TGFB2: variants seen among roughly 807,000 people sequenced by gnomAD.
TGFB2 encodes transforming growth factor beta 2.
In TGFB2, 13 loss-of-function variants were observed where a neutral mutation model predicts 42.7. The ratio of observed to expected loss-of-function variants is 0.30; its 90% CI spans 0.20 to 0.48. The LOEUF (loss-of-function observed/expected upper bound fraction) is 0.48, where lower values mean the gene tolerates loss of function less well. TGFB2 is among the 20% of genes least tolerant of loss of function. TGFB2 has a pLI of 0.99. For synonymous variants in TGFB2, 193 were observed against 193.6 expected (o/e 1.00, Z 0.03); for missense variants, 390 against 517.5 (o/e 0.75, Z 2.39).
chr1:218,347,377 C>T (rs527921573), intron 1 of TGFB2, among the ~76,000 whole-genome samples: 28 of 152,308 alleles, frequency 1.8e-4, no homozygotes, highest in African/African-American at 5.3e-4. Context: ...ACTAGAGGTG[C>T]TCCCAGGGGC....
chr1:218,389,911 A>C (rs777415528), intron 1 of TGFB2, among the ~76,000 whole-genome samples: 2 of 152,220 alleles, frequency 1.3e-5, no homozygotes, highest in South Asian at 4.1e-4. Context: ...ACGAGAAGTG[A>C]TTCCACTGAC....
chr1:218,426,255 A>T (rs933917818), intron 2 of TGFB2, among the ~76,000 whole-genome samples: 1 of 152,246 alleles, frequency 6.6e-6, no homozygotes, highest in African/African-American at 2.4e-5. Context: ...GCAATGTCTC[A>T]TAGACGTGTA....
intron 1 of TGFB2, among the ~76,000 whole-genome samples, chr1:218,388,395 C>T (rs143190840): frequency 8.5e-4 from 129 of 152,192 alleles, no homozygotes; most frequent in African/African-American, 2.9e-3. Flanking sequence ...TTGCTTGGCA[C>T]ACCAAAAAGT....
intron 2 of TGFB2, among the ~76,000 whole-genome samples, chr1:218,411,820 G>A (rs1391481751): frequency 2.0e-5 from 3 of 148,210 alleles, no homozygotes; most frequent in African/African-American, 7.6e-5. Flanking sequence ...AGCAGAGATT[G>A]CACCACTGCA....
chr1:218,386,952 G>A (rs1445344732), intron 1 of TGFB2, among the ~76,000 whole-genome samples: 1 of 152,080 alleles, frequency 6.6e-6, no homozygotes, highest in African/African-American at 2.4e-5. Flanking sequence ...CTCTTTTGCT[G>A]TTCCCGTCTA....
chr1:218,402,049 T>C (rs898680626), intron 1 of TGFB2, among the ~76,000 whole-genome samples: 1 of 152,220 alleles, frequency 6.6e-6, no homozygotes, highest in South Asian at 2.1e-4. Context: ...CATCAACCCC[T>C]GGAAGGGGTA....
chr1:218,374,048 GC>G (rs915542325), intron 1 of TGFB2, among the ~76,000 whole-genome samples: 13 of 152,206 alleles, frequency 8.5e-5, no homozygotes, highest in African/African-American at 2.9e-4. Flanking sequence ...ATGAGTGTGT[GC>G]TTACAGTTAT....
At chr1:218,422,283 T>A (rs940288330) in intron 2 of TGFB2, among the ~76,000 whole-genome samples, 2 of 151,880 alleles carry the variant, frequency 1.3e-5, no homozygotes, top group Non-Finnish European at 2.9e-5. Flanking sequence ...AGTGGTACAA[T>A]CTTGGCTCGC....
intron 1 of TGFB2, among the ~76,000 whole-genome samples, chr1:218,365,714 TGTAA>T (rs1487699567): frequency 6.7e-6 from 1 of 150,224 alleles, no homozygotes; most frequent in Non-Finnish European, 1.5e-5. Flanking sequence ...TGAGTAAAAA[TGTAA>T]GTGAGTGTAT....
chr1:218,378,462 C>T (rs1657828842), intron 1 of TGFB2, among the ~76,000 whole-genome samples: 1 of 152,174 alleles, frequency 6.6e-6, no homozygotes, highest in South Asian at 2.1e-4. Flanking sequence ...CAGGCGTGAG[C>T]TACTGCACCC....
intron 1 of TGFB2, among the ~76,000 whole-genome samples, chr1:218,404,342 GACCTTAAGTGGTCTGCCC>G (rs1365851652): frequency 6.6e-6 from 1 of 152,142 alleles, no homozygotes; most frequent in Non-Finnish European, 1.5e-5. Context: ...TCAAACTCCT[GACCTTAAGTGGTCTGCCC>G]ACCTCAGCCT....
intron 2 of TGFB2, among the ~76,000 whole-genome samples, chr1:218,419,279 G>A (rs1212070131): frequency 6.6e-6 from 1 of 152,034 alleles, no homozygotes; most frequent in East Asian, 1.9e-4. Context: ...TGTGGCCACT[G>A]TTCCCTCCAC....
At chr1:218,427,491 C>G (rs1007857920) in intron 2 of TGFB2, among the ~76,000 whole-genome samples, 6 of 152,246 alleles carry the variant, frequency 3.9e-5, no homozygotes, top group South Asian at 2.1e-4. Context: ...CCTCTCCCCC[C>G]ACCTCAGGAC....
At chr1:218,433,277 G>A (rs868771695) in intron 2 of TGFB2, among the ~76,000 whole-genome samples, 1 of 152,090 alleles carries the variant, frequency 6.6e-6, no homozygotes, top group South Asian at 2.1e-4. Context: ...ATGTTGGCCA[G>A]GCTGGTCTTG....
Position 218,377,288 on chromosome 1 carries a change from A to G in TGFB2, c.347-27881A>G, listed in dbSNP as rs571266040. On this transcript the variant is annotated intron_variant, in intron 1 of 6. Transcript: ENST00000366930. Reference sequence around the variant, plus strand: ...AAAGTGAAAGGGAAATAGAAAAATCAGCCTCCTCTTTAGCTGGTACAGGAC... The same window carrying G: ...AAAGTGAAAGGGAAATAGAAAAATCGGCCTCCTCTTTAGCTGGTACAGGAC... Among the ~76,000 whole-genome samples, 10 of 152,352 alleles carry G rather than the reference A, an allele frequency of 6.6e-5. No individual in the cohort carries two copies. The South Asian group carries it at 8.3e-4, about 13-fold the overall frequency.
intron 1 of TGFB2, among the ~76,000 whole-genome samples, chr1:218,379,195 C>T (rs971456225): frequency 6.8e-6 from 1 of 147,146 alleles, no homozygotes; most frequent in Non-Finnish European, 1.5e-5. Context: ...TGCAGTGGTG[C>T]GATCTCGGCT....
chr1:218,426,879 A>G (rs926168054), intron 2 of TGFB2, among the ~76,000 whole-genome samples: 2 of 152,154 alleles, frequency 1.3e-5, no homozygotes, highest in Non-Finnish European at 2.9e-5. Flanking sequence ...AAGGCCAAGG[A>G]CTTTTCTTTG....
chr1:218,391,355 G>A (rs1379731195), intron 1 of TGFB2, among the ~76,000 whole-genome samples: 1 of 152,180 alleles, frequency 6.6e-6, no homozygotes, highest in African/African-American at 2.4e-5. Context: ...CGTAGACTTG[G>A]CTGTGTCCCT....
intron 1 of TGFB2, among the ~76,000 whole-genome samples, chr1:218,349,035 T>C (rs1656785158): frequency 6.6e-6 from 1 of 152,166 alleles, no homozygotes; most frequent in African/African-American, 2.4e-5. Context: ...AATTCCTAGA[T>C]TATTAGGAGG....
Sources: gnomAD v4.1 joint callset for allele counts (sites outside exome capture counted in the v4.1 genomes callset) on GRCh38, gnomAD v4.1.1 for gene constraint, MANE v1.5 for transcripts, NCBI Gene and HGNC (gene_info 2026-07-23, HGNC 2026-07-21) for gene names.